Variants in DLG5 observed in about 807,000 individuals in gnomAD.
The protein encoded by DLG5 is discs large MAGUK scaffold protein 5, also known as disks large homolog 5.
Under a neutral mutation model 189.8 loss-of-function variants are expected in DLG5, and 48 were observed. The observed-to-expected ratio is 0.25, with a 90% CI of 0.20 to 0.32. The LOEUF (loss-of-function observed/expected upper bound fraction) is 0.32, where lower values mean the gene tolerates loss of function less well. Ranked by LOEUF, DLG5 falls within the 10% of genes least tolerant of loss-of-function variation. The probability of loss-of-function intolerance (pLI) is 1.00; values close to 1 mark genes in which losing one functional copy is unlikely to be tolerated. For missense variants in DLG5, 2,160 were observed against 2,544.7 expected (o/e 0.85, Z 3.25); for synonymous variants, 1,016 against 1,054.1 (o/e 0.96, Z 0.70).
intron 1 of DLG5, among the ~76,000 whole-genome samples, chr10:77,881,695 C>T (rs185128584): frequency 3.9e-5 from 6 of 152,278 alleles, no homozygotes; most frequent in East Asian, 3.9e-4. Flanking sequence ...ATGCTTAGAC[C>T]AAATGCAAAA....
chr10:77,907,869 T>C (rs1181288002), intron 1 of DLG5, among the ~76,000 whole-genome samples: 1 of 152,148 alleles, frequency 6.6e-6, no homozygotes, highest in Admixed American at 6.5e-5. Flanking sequence ...TTTCCTCACT[T>C]GTAAGGTCAG....
intron 27 of DLG5, among the ~76,000 whole-genome samples, chr10:77,804,826 A>T (rs894368918): frequency 6.6e-6 from 1 of 152,198 alleles, no homozygotes; most frequent in African/African-American, 2.4e-5. Context: ...ACTACCAAGC[A>T]GCCTGTAAGA....
chr10:77,873,563 C>T (rs191436358), intron 1 of DLG5, among the ~76,000 whole-genome samples: 53 of 152,208 alleles, frequency 3.5e-4, no homozygotes, highest in African/African-American at 1.2e-3. Flanking sequence ...AAAAACCACC[C>T]GAACAATAAT....
chr10:77,933,118 T>C, the DLG5 span, among the ~76,000 whole-genome samples: 4 of 152,150 alleles, frequency 2.6e-5, no homozygotes, highest in Non-Finnish European at 5.9e-5. Context: ...ACACTTCAGC[T>C]TAGATGTTAA....
chr10:77,880,962 C>CTT (rs61636782), intron 1 of DLG5, among the ~76,000 whole-genome samples: 13,130 of 73,224 alleles, frequency 0.18, 2,807 homozygotes, highest in Non-Finnish European at 0.22. Context: ...AACCCTAGAC[C>CTT]TTTTTTTTTT....
At chr10:77,918,698 C>T (rs1452768070) in intron 1 of DLG5, among the ~76,000 whole-genome samples, 3 of 151,250 alleles carry the variant, frequency 2.0e-5, no homozygotes, top group Admixed American at 6.6e-5. Flanking sequence ...AGGTAAAAGG[C>T]GAAAAAAAAA....
chr10:77,811,598 A>C (rs1841776302), intron 22 of DLG5, among the ~76,000 whole-genome samples: 2 of 152,102 alleles, frequency 1.3e-5, no homozygotes, highest in Non-Finnish European at 2.9e-5. Context: ...GGGCAGATAC[A>C]GACAGGTGTA....
At chr10:77,882,749 T>C (rs1368199888) in intron 1 of DLG5, among the ~76,000 whole-genome samples, 1 of 93,778 alleles carries the variant, frequency 1.1e-5, no homozygotes, top group Non-Finnish European at 2.0e-5. Context: ...TCGTCTCTAC[T>C]AAAAAAATAC....
chr10:77,864,375 A>G (rs1844590882), intron 2 of DLG5, among the ~76,000 whole-genome samples: 1 of 152,210 alleles, frequency 6.6e-6, no homozygotes, highest in Non-Finnish European at 1.5e-5. Context: ...GGCAGAGCAC[A>G]GTCATCAGAG....
At chr10:77,899,412 C>T (rs1339265810) in intron 1 of DLG5, among the ~76,000 whole-genome samples, 3 of 152,234 alleles carry the variant, frequency 2.0e-5, no homozygotes, top group Non-Finnish European at 2.9e-5. Flanking sequence ...GGCAAAATCC[C>T]GACTCACTGG....
intron 26 of DLG5, among the ~76,000 whole-genome samples, chr10:77,806,479 T>C (rs1227530127): frequency 1.3e-5 from 2 of 152,328 alleles, no homozygotes; most frequent in African/African-American, 2.4e-5. Context: ...TGGTACACTT[T>C]GAGGGAGCGG....
At chr10:77,889,968 G>T (rs1290923579) in intron 1 of DLG5, among the ~76,000 whole-genome samples, 6 of 152,108 alleles carry the variant, frequency 3.9e-5, no homozygotes, top group Non-Finnish European at 8.8e-5. Flanking sequence ...AGCATCCACT[G>T]AGATATACTG....
At chr10:77,932,898 C>T in the DLG5 span, among the ~76,000 whole-genome samples, 8 of 152,234 alleles carry the variant, frequency 5.3e-5, no homozygotes, top group Admixed American at 1.3e-4. Flanking sequence ...AACCCAAGTT[C>T]GAGGCCAAAC....
In DLG5 at chr10:77,835,718, A is replaced by T; in HGVS notation, c.1622+20T>A. On this transcript the variant is annotated intron_variant, in intron 8 of 31. Coordinates refer to ENST00000372391, the MANE Select transcript of DLG5 (RefSeq NM_004747.4). ...TCCTGGGGAGACGCAAGCCCACGCC[A>T]GCTTGAGGTCACCCCATACCGGATG... 6.3e-7 allele frequency: 1 copy of T among 1,596,396 alleles called. No individual in the cohort carries two copies. The highest frequency in any genetic ancestry group is 2.2e-5 in the East Asian group (1 of 44,582).
At chr10:77,844,871 G>A (rs977464610) in intron 5 of DLG5, among the ~76,000 whole-genome samples, 4 of 152,206 alleles carry the variant, frequency 2.6e-5, no homozygotes, top group African/African-American at 7.2e-5. Context: ...TGGGCAGAGA[G>A]GGGGGCAGGG....
At chr10:77,835,054 T>G (rs1000114871) in intron 8 of DLG5, among the ~76,000 whole-genome samples, 2 of 152,082 alleles carry the variant, frequency 1.3e-5, no homozygotes, top group African/African-American at 2.4e-5. Flanking sequence ...CCCACACTGC[T>G]TGGCTTCCCT....
chr10:77,916,635 A>AC lies in DLG5; in HGVS notation c.304+9581dup, dbSNP rs550927034. On this transcript the variant is annotated intron_variant, in intron 1 of 31. Transcript: ENST00000372391. The stretch of plus-strand genomic sequence containing the variant: ...AAAAAAAGGAAAGAAAATGCTATCC[A>AC]CCCCCATGTCAGGGTGCTGTGAACA... 4.1e-4 allele frequency among the ~76,000 whole-genome samples: 63 copies of AC among 152,160 alleles called. No homozygotes were observed. The East Asian group carries it at 0.012, about 29-fold the overall frequency.
At chr10:77,923,160 C>T (rs12220902) in intron 1 of DLG5, among the ~76,000 whole-genome samples, 32,697 of 152,156 alleles carry the variant, frequency 0.21, 3,780 homozygotes, top group South Asian at 0.27. Context: ...CACCCCTTGA[C>T]GCTAAGGATC....
chr10:77,806,836 G>A lies in DLG5; in HGVS notation c.4889C>T (p.Thr1630Met), dbSNP rs568644282. 1.1e-5 allele frequency: 18 copies of A among 1,613,980 alleles called. No homozygotes were observed. The highest frequency in any genetic ancestry group is 2.7e-5 in the African/African-American group (2 of 74,986). ...CTGCCAAGCCATCCAGGACCCGAAC[G>A]TGCCCTGGGGTAAGGTGTCATCCAC... Reference protein sequence around the residue: ...LYVDDTLPQGTFGSWMAWQLD... With the variant: ...LYVDDTLPQGMFGSWMAWQLD... The change falls in exon 26 of 32, where the codon ACG becomes ATG. Residue 1630 changes from threonine (T) to methionine (M), a missense_variant. This residue lies in a region of DLG5 where 574 missense variants were observed against 644.2 expected (regional missense o/e 0.89). Transcript: ENST00000372391.
Sources: gnomAD v4.1 joint callset for allele counts (sites outside exome capture counted in the v4.1 genomes callset) on GRCh38, gnomAD v4.1.1 for gene constraint, gnomAD v4.1.1 regional missense constraint, MANE v1.5 for transcripts, NCBI Gene and HGNC (gene_info 2026-07-23, HGNC 2026-07-21) for gene names.